Variants in SLIT2 observed in about 807,000 individuals in gnomAD.
SLIT2 encodes the protein slit homolog 2 protein.
A neutral mutation model predicts 185.7 loss-of-function variants in SLIT2; 41 were observed. The observed-to-expected ratio is 0.22, with a 90% CI of 0.17 to 0.29. SLIT2 has a LOEUF of 0.29. Among genes scored for constraint, SLIT2 ranks in the 10% least tolerant of loss-of-function variants. The pLI is 1.00. For missense variants in SLIT2, 1,571 were observed against 1,909.0 expected (o/e 0.82, Z 3.30); for synonymous variants, 693 against 680.2 (o/e 1.02, Z -0.29).
chr4:20,253,746 C>A lies in SLIT2; in HGVS notation c.-70C>A. On this transcript the variant is annotated 5_prime_UTR_variant, in exon 1 of 37. Transcript: ENST00000504154. ...GCCGGGCACTGGGCCTCAGACACTG[C>A]GCGGTTCCCTCGGAGCAGCAAGCTA... 6.4e-7 allele frequency: 1 copy of A among 1,556,908 alleles called. No individual in the cohort carries two copies. The highest frequency in any genetic ancestry group is 8.7e-7 in the Non-Finnish European group (1 of 1,153,296).
At chr4:20,549,171 T>G (rs774944156) in intron 24 of SLIT2, 43 bp downstream of exon 24, 5 of 1,256,708 alleles carry the variant, frequency 4.0e-6, no homozygotes, top group Non-Finnish European at 5.8e-6. Context: ...TTCTCAGAGA[T>G]CTGAGTTTGG....
intron 4 of SLIT2, among the ~76,000 whole-genome samples, chr4:20,309,234 T>C (rs2109128915): frequency 6.6e-6 from 1 of 152,286 alleles, no homozygotes; most frequent in East Asian, 1.9e-4. Context: ...TATTTTTATG[T>C]ATTTCACAAA....
chr4:20,385,476 G>C (rs1321031891), intron 4 of SLIT2, among the ~76,000 whole-genome samples: 1 of 152,120 alleles, frequency 6.6e-6, no homozygotes, highest in Non-Finnish European at 1.5e-5. Context: ...GTATAGCTTG[G>C]CCAAGTTCAG....
chr4:20,533,878 A>AC (rs879634085), intron 18 of SLIT2, among the ~76,000 whole-genome samples, 163 bp downstream of exon 18: 2 of 151,556 alleles, frequency 1.3e-5, no homozygotes, highest in South Asian at 2.1e-4. Context: ...ACACACACAC[A>AC]TGTATTGTGA....
intron 4 of SLIT2, among the ~76,000 whole-genome samples, chr4:20,416,658 G>A (rs1223404323): frequency 6.6e-6 from 1 of 152,022 alleles, no homozygotes; most frequent in African/African-American, 2.4e-5. Context: ...TTTTAAAAGT[G>A]CTTACTCTGG....
At chr4:20,318,152 A>G (rs1718754551) in intron 4 of SLIT2, among the ~76,000 whole-genome samples, 1 of 152,170 alleles carries the variant, frequency 6.6e-6, no homozygotes, top group Admixed American at 6.5e-5. Flanking sequence ...TTGTTTCTGC[A>G]ATAATGGCTT....
intron 4 of SLIT2, among the ~76,000 whole-genome samples, chr4:20,332,402 A>G (rs1415928037): frequency 6.6e-6 from 1 of 152,170 alleles, no homozygotes; most frequent in Non-Finnish European, 1.5e-5. Flanking sequence ...GGGAGTAGTA[A>G]TAGACAAGTT....
chr4:20,402,901 A>G lies in SLIT2; in HGVS notation c.396-64851A>G, dbSNP rs1332886127. ...GCTTTAAATAGTGTATAGCTGTAAG[A>G]TGATACTGCTATTAAAAAAATAAGT... On this transcript the variant is annotated intron_variant, in intron 4 of 36. Transcript: ENST00000504154. 3.3e-5 allele frequency among the ~76,000 whole-genome samples: 5 copies of G among 151,834 alleles called. No individual in the cohort carries two copies. In the South Asian group the frequency reaches 8.3e-4, roughly 25 times the overall value.
At chr4:20,537,413 C>T (rs1313339323) in intron 18 of SLIT2, among the ~76,000 whole-genome samples, 1 of 152,054 alleles carries the variant, frequency 6.6e-6, no homozygotes, top group Non-Finnish European at 1.5e-5. Context: ...CATGACTGTA[C>T]AGTCACATTT....
intron 4 of SLIT2, among the ~76,000 whole-genome samples, chr4:20,428,509 C>T (rs1246850934): frequency 1.3e-5 from 2 of 152,120 alleles, no homozygotes; most frequent in African/African-American, 4.8e-5. Context: ...AATTGATACT[C>T]AATAGGAAGA....
At chr4:20,474,097 A>G (rs1392159043) in intron 5 of SLIT2, among the ~76,000 whole-genome samples, 2 of 152,046 alleles carry the variant, frequency 1.3e-5, no homozygotes, top group African/African-American at 2.4e-5. Flanking sequence ...CTTAAATTCC[A>G]GAGGTCTTCA....
At chr4:20,356,552 A>G (rs1193050840) in intron 4 of SLIT2, among the ~76,000 whole-genome samples, 1 of 152,228 alleles carries the variant, frequency 6.6e-6, no homozygotes, top group South Asian at 2.1e-4. Context: ...AATAGTGTCC[A>G]ATGCATTTAA....
rs551784379 is a variant in SLIT2 at position 20,489,529 on chromosome 4, A to T, written c.775+547A>T. 2.2e-4 allele frequency among the ~76,000 whole-genome samples: 33 copies of T among 152,370 alleles called. 1 individual carries two copies. The highest frequency in any genetic ancestry group is 4.6e-4 in the Admixed American group (7 of 15,310). On this transcript the variant is annotated intron_variant, in intron 8 of 36. Coordinates refer to ENST00000504154, the MANE Select transcript of SLIT2 (RefSeq NM_004787.4). The stretch of plus-strand genomic sequence containing the variant: ...TCAGGCACTGTGGCCCACGCCTGTA[A>T]TCCCAGCATTTTGGGAGGCAGAGGT...
chr4:20,528,356 C>T lies in SLIT2; in HGVS notation c.1463-593C>T. The T allele has an allele frequency of 1.9e-6, 1 of 534,496 alleles. No homozygotes were observed. The highest frequency in any genetic ancestry group is 3.8e-6 in the Non-Finnish European group (1 of 260,032). 33.1% of individuals were successfully genotyped at this position (534,496 alleles called of 1,614,324 possible). On this transcript the variant is annotated intron_variant, in intron 15 of 36. Transcript: ENST00000504154. The surrounding 1 kb of genome is among the most constrained non-coding windows in gnomAD (Gnocchi z 4.2). Reference sequence around the variant, plus strand: ...ATGAGTAAAACATGGTTCCGTCAAGCACCATGGAACGTCACGCAGCTTTCT... The same window carrying T: ...ATGAGTAAAACATGGTTCCGTCAAGTACCATGGAACGTCACGCAGCTTTCT...
intron 5 of SLIT2, among the ~76,000 whole-genome samples, chr4:20,476,661 G>A (rs491795): frequency 0.81 from 122,695 of 152,048 alleles, 49,733 homozygotes; most frequent in East Asian, 0.93. Context: ...TGCTGCAGTA[G>A]AACATGAATT....
At chr4:20,523,949 T>C in intron 13 of SLIT2, 46 bp downstream of exon 13, 1 of 1,612,592 alleles carries the variant, frequency 6.2e-7, no homozygotes, top group Non-Finnish European at 8.5e-7. Context: ...TTGTTTCCTC[T>C]CTGAATGTAA....
chr4:20,413,213 G>C (rs1450449554), intron 4 of SLIT2, among the ~76,000 whole-genome samples: 1 of 151,466 alleles, frequency 6.6e-6, no homozygotes. Context: ...ATTTTCTTTT[G>C]TTCTCTTCCC....
chr4:20,534,664 G>A (rs377164970), intron 18 of SLIT2, among the ~76,000 whole-genome samples: 1 of 152,126 alleles, frequency 6.6e-6, no homozygotes, highest in Non-Finnish European at 1.5e-5. Context: ...GTAGTGGGGA[G>A]TCTGTCTCCC....
chr4:20,542,090 A>G (rs1264249523), intron 20 of SLIT2, among the ~76,000 whole-genome samples: 2 of 152,136 alleles, frequency 1.3e-5, no homozygotes, highest in Admixed American at 6.6e-5. Flanking sequence ...ATGAACAGAG[A>G]GCTAATTTGA....
Sources: gnomAD v4.1 joint callset for allele counts (sites outside exome capture counted in the v4.1 genomes callset) on GRCh38, gnomAD v4.1.1 for gene constraint, Gnocchi (gnomAD v3.1) non-coding constraint, MANE v1.5 for transcripts, NCBI Gene and HGNC (gene_info 2026-07-23, HGNC 2026-07-21) for gene names.